The following MICAL3 variants were observed in gnomAD, a reference collection of about 807,000 sequenced individuals.
The protein encoded by MICAL3 is microtubule associated monooxygenase, calponin and LIM domain containing 3.
MICAL3 carries 62 observed loss-of-function variants against 207.4 expected under a neutral mutation model. The observed-to-expected ratio is 0.30, with a 90% CI of 0.24 to 0.37. MICAL3 has a LOEUF of 0.37. MICAL3 is among the 10% of genes least tolerant of loss of function. MICAL3 has a pLI of 1.00. For synonymous variants in MICAL3, 1,077 were observed against 1,069.3 expected, an observed-to-expected ratio of 1.01 and a Z score of -0.14; for missense variants, 2,368 against 2,635.6, an observed-to-expected ratio of 0.90 and a Z score of 2.22.
chr22:17,953,143 G>T (rs960921153), intron 1 of MICAL3, among the ~76,000 whole-genome samples: 1 of 152,168 alleles, frequency 6.6e-6, no homozygotes, highest in African/African-American at 2.4e-5. Context: ...ATCTTTCCTC[G>T]ATCAGAGTGA....
At chr22:17,949,806 A>G (rs1008086607) in intron 1 of MICAL3, among the ~76,000 whole-genome samples, 3 of 152,258 alleles carry the variant, frequency 2.0e-5, no homozygotes, top group Non-Finnish European at 4.4e-5. Flanking sequence ...TGATAAGGAC[A>G]ACACACGATG....
intron 1 of MICAL3, among the ~76,000 whole-genome samples, chr22:17,912,025 T>G (rs1932176532): frequency 6.6e-6 from 1 of 151,878 alleles, no homozygotes; most frequent in Non-Finnish European, 1.5e-5. Flanking sequence ...CAAAAATAAT[T>G]TGACCGTAAG....
At chr22:17,992,414 C>G (rs1049486887) in intron 1 of MICAL3, among the ~76,000 whole-genome samples, 1 of 152,198 alleles carries the variant, frequency 6.6e-6, no homozygotes, top group Non-Finnish European at 1.5e-5. Context: ...GCTTAGCACT[C>G]TACGTCCAGG....
At position 17,920,480 on chromosome 22, in the gene MICAL3, C is replaced by T. The variant is rs988090164; in HGVS notation, c.-74-13594G>A. 3.3e-5 allele frequency among the ~76,000 whole-genome samples: 5 copies of T among 152,182 alleles called. No individual in the cohort carries two copies. In the East Asian group the frequency reaches 5.8e-4, roughly 18 times the overall value. ...AAGTGAGACAGGCTCAGACGCGTTC[C>T]GGTCTTATCTGGCTAGCTCCCTGGC... is the stretch of plus-strand genomic sequence containing the variant. On this transcript the variant is annotated intron_variant, in intron 1 of 31. Coordinates refer to ENST00000441493, the MANE Select transcript of MICAL3 (RefSeq NM_015241.3).
chr22:17,804,810 T>C (rs1384279721), intron 29 of MICAL3, among the ~76,000 whole-genome samples: 1 of 152,044 alleles, frequency 6.6e-6, no homozygotes. Context: ...CCCTTGAGAG[T>C]GACACAGCAG....
intron 7 of MICAL3, among the ~76,000 whole-genome samples, chr22:17,899,157 T>C (rs1429054523): frequency 3.3e-5 from 5 of 152,054 alleles, no homozygotes; most frequent in African/African-American, 9.7e-5. Context: ...GAAGAAGGAG[T>C]GCACAGAAAT....
At chr22:17,953,028 C>T (rs5746498) in intron 1 of MICAL3, among the ~76,000 whole-genome samples, 111,526 of 152,104 alleles carry the variant, frequency 0.73, 41,157 homozygotes, top group Admixed American at 0.79. Context: ...GGGAAAGTGA[C>T]GGCAACTTCA....
intron 7 of MICAL3, among the ~76,000 whole-genome samples, chr22:17,897,584 T>C (rs1930962134): frequency 6.6e-6 from 1 of 152,150 alleles, no homozygotes; most frequent in Non-Finnish European, 1.5e-5. Context: ...GTTCTGAGTA[T>C]CACATACCTG....
intron 17 of MICAL3, among the ~76,000 whole-genome samples, chr22:17,869,387 G>C (rs987669630): frequency 6.6e-6 from 1 of 152,096 alleles, no homozygotes; most frequent in African/African-American, 2.4e-5. Context: ...TGCAGGGATG[G>C]AGACAGTCTC....
intron 1 of MICAL3, among the ~76,000 whole-genome samples, chr22:17,931,953 A>C (rs1293430378): frequency 1.3e-5 from 2 of 152,230 alleles, no homozygotes; most frequent in Non-Finnish European, 2.9e-5. Flanking sequence ...TGGTGAATGG[A>C]AACACAGTGC....
In MICAL3 at chr22:17,877,223, T is replaced by G. The variant is rs370966057; in HGVS notation, c.2242-5200A>C. On this transcript the variant is annotated intron_variant, in intron 16 of 31. Coordinates refer to ENST00000441493, the MANE Select transcript of MICAL3 (RefSeq NM_015241.3). ...GGGAGGTTATGGAGGTTATGGAGGT[T>G]AGGGAGGTTATGGAGGTTAGGGAGG... Among the ~76,000 whole-genome samples the G allele has an allele frequency of 9.2e-4, 75 of 81,196 alleles. 3 individuals are homozygous for G. The highest frequency in any genetic ancestry group is 1.2e-3 in the African/African-American group (18 of 14,932). The allele number at this position is 81,196 out of a possible 152,430, so 53.3% of individuals were successfully genotyped here.
At position 17,925,721 on chromosome 22, in the gene MICAL3, G is replaced by A. The variant is rs115246171; in HGVS notation, c.-74-18835C>T. ...CTTCTCAAACTAAAATGAAGAACCC[G>A]TTCATCTGTCCATGTTTTCCCGGCA... On this transcript the variant is annotated intron_variant, in intron 1 of 31. Transcript: ENST00000441493. 6.0e-3 allele frequency among the ~76,000 whole-genome samples: 911 copies of A among 152,134 alleles called. 12 individuals carry two copies. Among genetic ancestry groups the A allele is most frequent in the African/African-American group, 0.02 (839 of 41,498 alleles).
chr22:17,971,419 G>A (rs1935407900), intron 1 of MICAL3, among the ~76,000 whole-genome samples: 1 of 152,096 alleles, frequency 6.6e-6, no homozygotes, highest in Admixed American at 6.5e-5. Context: ...GGAGGCGGAG[G>A]TTGCAGTGAG....
intron 29 of MICAL3, among the ~76,000 whole-genome samples, chr22:17,804,079 G>A (rs573198843): frequency 8.5e-5 from 13 of 152,280 alleles, no homozygotes; most frequent in Non-Finnish European, 1.6e-4. Flanking sequence ...GCGTGGCTGC[G>A]GGAGGAGGGC....
At chr22:17,875,835 C>T (rs985384033) in intron 16 of MICAL3, among the ~76,000 whole-genome samples, 1 of 152,174 alleles carries the variant, frequency 6.6e-6, no homozygotes, top group African/African-American at 2.4e-5. Context: ...CAGCCTCGGC[C>T]TCCCTCTGAA....
chr22:17,985,190 G>T (rs1569157767), intron 1 of MICAL3, among the ~76,000 whole-genome samples: 3 of 152,158 alleles, frequency 2.0e-5, no homozygotes, highest in African/African-American at 7.2e-5. Context: ...CTGAGGCAGG[G>T]TGTGCCTGGA....
chr22:17,946,316 C>A (rs980132702), intron 1 of MICAL3, among the ~76,000 whole-genome samples: 2 of 152,214 alleles, frequency 1.3e-5, no homozygotes, highest in African/African-American at 4.8e-5. Context: ...CCTTGTGGAC[C>A]ATATCAGAGC....
chr22:17,945,349 G>T (rs1338247682), intron 1 of MICAL3, among the ~76,000 whole-genome samples: 1 of 152,132 alleles, frequency 6.6e-6, no homozygotes, highest in East Asian at 1.9e-4. Flanking sequence ...GGGCACCTTG[G>T]GCGCTGGCCC....
intron 29 of MICAL3, among the ~76,000 whole-genome samples, chr22:17,804,690 T>C (rs762755083): frequency 2.0e-4 from 30 of 152,050 alleles, no homozygotes; most frequent in Non-Finnish European, 1.3e-4. Flanking sequence ...CTCCCCAGAA[T>C]CATAAAGACA....
Sources: allele counts gnomAD v4.1 joint callset (sites outside exome capture counted in the v4.1 genomes callset), GRCh38; gene constraint gnomAD v4.1.1; transcripts MANE v1.5; gene names NCBI Gene and HGNC (gene_info 2026-07-23, HGNC 2026-07-21).